Variants in DCC observed in about 807,000 individuals in gnomAD.
DCC encodes DCC netrin 1 receptor.
DCC carries 58 observed loss-of-function variants against 172.5 expected under a neutral mutation model. The observed-to-expected ratio is 0.34, with a 90% confidence interval of 0.27 to 0.42. The LOEUF is 0.42. Among genes scored for constraint, DCC ranks in the 10% least tolerant of loss-of-function variants. The probability of loss-of-function intolerance (pLI) is 1.00; values close to 1 mark genes in which losing one functional copy is unlikely to be tolerated. For synonymous variants in DCC, 709 were observed against 644.5 expected (o/e 1.10, Z -1.52); for missense variants, 1,740 against 1,791.0 (o/e 0.97, Z 0.51).
chr18:53,026,229 T>C (rs1036456441), intron 5 of DCC, among the ~76,000 whole-genome samples: 2 of 152,106 alleles, frequency 1.3e-5, no homozygotes, highest in African/African-American at 4.8e-5. Flanking sequence ...ATTTAGAAAA[T>C]TGGGTGAAAA....
intron 1 of DCC, among the ~76,000 whole-genome samples, chr18:52,631,548 G>A (rs1306735167): frequency 6.6e-6 from 1 of 152,108 alleles, no homozygotes; most frequent in African/African-American, 2.4e-5. Flanking sequence ...TCTTATTTTG[G>A]GCCTACCCAT....
intron 3 of DCC, among the ~76,000 whole-genome samples, chr18:52,922,043 G>C (rs115590597): frequency 6.6e-6 from 1 of 151,172 alleles, no homozygotes; most frequent in Non-Finnish European, 1.5e-5. Context: ...CCATATTTGC[G>C]AGATTTGAAA....
chr18:52,407,517 G>A (rs958687763), intron 1 of DCC, among the ~76,000 whole-genome samples: 2 of 151,728 alleles, frequency 1.3e-5, no homozygotes, highest in East Asian at 2.0e-4. Context: ...AAACATTCAC[G>A]CCCTTATATA....
intron 5 of DCC, among the ~76,000 whole-genome samples, chr18:53,000,666 G>GTCAGAGCCAT (rs1239632945): frequency 6.3e-5 from 9 of 143,494 alleles, no homozygotes; most frequent in Admixed American, 4.4e-4. Flanking sequence ...GTCAGAGCCA[G>GTCAGAGCCAT]TCAGAGCCAG....
intron 3 of DCC, among the ~76,000 whole-genome samples, chr18:52,911,532 T>C (rs2039970384): frequency 6.6e-6 from 1 of 152,098 alleles, no homozygotes; most frequent in East Asian, 1.9e-4. Flanking sequence ...CCCATGATAT[T>C]AACTACTTAT....
intron 9 of DCC, among the ~76,000 whole-genome samples, chr18:53,190,003 T>G (rs566779244): frequency 6.6e-6 from 1 of 152,218 alleles, no homozygotes; most frequent in Non-Finnish European, 1.5e-5. Flanking sequence ...CCTGGCTTAC[T>G]GTAACCTCCA....
intron 25 of DCC, among the ~76,000 whole-genome samples, chr18:53,484,440 C>T (rs1599203808): frequency 6.6e-6 from 1 of 151,418 alleles, no homozygotes; most frequent in Non-Finnish European, 1.5e-5. Context: ...TAGTCTGGTG[C>T]AGTTTCATTT....
intron 2 of DCC, among the ~76,000 whole-genome samples, chr18:52,774,240 T>G (rs946014717): frequency 1.3e-5 from 2 of 152,178 alleles, no homozygotes; most frequent in Non-Finnish European, 2.9e-5. Context: ...ACAATCCATG[T>G]TTTAACAAGC....
intron 1 of DCC, among the ~76,000 whole-genome samples, chr18:52,529,520 G>A (rs1284959457): frequency 6.6e-6 from 1 of 152,178 alleles, no homozygotes; most frequent in Non-Finnish European, 1.5e-5. Context: ...TCGATCTCCT[G>A]ACCTCGTGAT....
At chr18:53,129,906 C>A (rs1264701650) in intron 7 of DCC, among the ~76,000 whole-genome samples, 1 of 152,042 alleles carries the variant, frequency 6.6e-6, no homozygotes, top group Non-Finnish European at 1.5e-5. Flanking sequence ...ACTTTATAAA[C>A]ATCTAAACCC....
chr18:52,781,002 AAGC>A (rs952258350), intron 2 of DCC, among the ~76,000 whole-genome samples: 6 of 152,088 alleles, frequency 3.9e-5, no homozygotes, highest in Non-Finnish European at 8.8e-5. Context: ...ACAAGAAAAA[AAGC>A]AGAACAAATT....
At chr18:53,255,554 T>C (rs1411735047) in intron 12 of DCC, among the ~76,000 whole-genome samples, 1 of 152,028 alleles carries the variant, frequency 6.6e-6, no homozygotes, top group Non-Finnish European at 1.5e-5. Context: ...TCATCCTTTT[T>C]TATGGCTACA....
intron 9 of DCC, among the ~76,000 whole-genome samples, chr18:53,196,927 TGTACA>T (rs1157234778): frequency 6.6e-6 from 1 of 152,078 alleles, no homozygotes; most frequent in Non-Finnish European, 1.5e-5. Flanking sequence ...CTCCTAACTA[TGTACA>T]GTTCAGTCAA....
intron 7 of DCC, among the ~76,000 whole-genome samples, chr18:53,091,862 T>TC (rs1491276808): frequency 0.034 from 1,782 of 52,288 alleles, 14 homozygotes; most frequent in East Asian, 0.12. Flanking sequence ...AATCTATCTA[T>TC]ATATATATAT....
chr18:52,882,728 T>C (rs965056849), intron 2 of DCC, among the ~76,000 whole-genome samples: 1 of 152,168 alleles, frequency 6.6e-6, no homozygotes, highest in Non-Finnish European at 1.5e-5. Flanking sequence ...GAATTTGTAT[T>C]CTGCAATCAT....
At chr18:53,141,436 A>C (rs556556352) in intron 7 of DCC, among the ~76,000 whole-genome samples, 2 of 152,336 alleles carry the variant, frequency 1.3e-5, no homozygotes, top group South Asian at 4.1e-4. Context: ...AAATCCAGGA[A>C]GGCAAAAAAG....
intron 7 of DCC, among the ~76,000 whole-genome samples, chr18:53,146,330 G>A (rs1216442695): frequency 6.6e-6 from 1 of 152,202 alleles, no homozygotes; most frequent in Non-Finnish European, 1.5e-5. Flanking sequence ...AGCATCAGCA[G>A]ATGTGGTTGT....
chr18:52,634,956 T>C (rs2034745356), intron 1 of DCC, among the ~76,000 whole-genome samples: 1 of 152,198 alleles, frequency 6.6e-6, no homozygotes, highest in East Asian at 1.9e-4. Context: ...GATTTAGCTC[T>C]ATTAAGTGTC....
chr18:53,433,565 T>C (rs182637785), intron 21 of DCC, among the ~76,000 whole-genome samples: 1 of 152,318 alleles, frequency 6.6e-6, no homozygotes, highest in Admixed American at 6.5e-5. Flanking sequence ...ATCTTAATAT[T>C]TATGTAGAGC....
Sources: allele counts gnomAD v4.1 joint callset (sites outside exome capture counted in the v4.1 genomes callset), GRCh38; gene constraint gnomAD v4.1.1; transcripts MANE v1.5; gene names NCBI Gene and HGNC (gene_info 2026-07-23, HGNC 2026-07-21).